SIL1: variants seen among roughly 807,000 people sequenced by gnomAD.
The protein encoded by SIL1 is SIL1 nucleotide exchange factor, also known as nucleotide exchange factor SIL1.
A neutral mutation model predicts 49.1 loss-of-function variants in SIL1; 40 were observed. That is an observed-to-expected ratio of 0.81 (90% CI 0.63 to 1.06). The LOEUF (loss-of-function observed/expected upper bound fraction) is 1.06, where lower values mean the gene tolerates loss of function less well. Among genes scored for constraint, SIL1 ranks in the 50% least tolerant of loss-of-function variants. The pLI is 0.00. For missense variants in SIL1, 500 were observed against 572.6 expected (o/e 0.87, Z 1.29); for synonymous variants, 253 against 250.8 (o/e 1.01, Z -0.08).
chr5:139,062,747 C>A (rs898259407), intron 3 of SIL1, among the ~76,000 whole-genome samples: 1 of 152,202 alleles, frequency 6.6e-6, no homozygotes, highest in Non-Finnish European at 1.5e-5. Flanking sequence ...CAGCACAAGG[C>A]TCAAAGTAAC....
intron 1 of SIL1, among the ~76,000 whole-genome samples, chr5:139,191,619 TAA>T (rs202242246): frequency 7.9e-5 from 11 of 139,990 alleles, no homozygotes; most frequent in Middle Eastern, 3.8e-3. Flanking sequence ...CCTGTCTCTT[TAA>T]AAAAAAAAAA....
chr5:139,197,336 G>C (rs1052957449), intron 1 of SIL1, among the ~76,000 whole-genome samples: 1 of 149,038 alleles, frequency 6.7e-6, no homozygotes, highest in Non-Finnish European at 1.5e-5. Flanking sequence ...AAATATGTAA[G>C]TTTCATTCTC....
intron 1 of SIL1, among the ~76,000 whole-genome samples, chr5:139,151,412 G>C (rs1209559279): frequency 6.6e-6 from 1 of 152,156 alleles, no homozygotes; most frequent in Non-Finnish European, 1.5e-5. Flanking sequence ...CTATCTGTCT[G>C]GAATGCTGTC....
chr5:138,980,378 G>A (rs1767489412), intron 7 of SIL1, among the ~76,000 whole-genome samples: 1 of 152,172 alleles, frequency 6.6e-6, no homozygotes. Context: ...GGTGCTTAAA[G>A]TTGGCTAAGT....
rs1413004892 is a variant in SIL1 at position 138,948,815 on chromosome 5, A to G, written c.1030-1342T>C. ...GAGGAGCTGCCTAGGTCAGGAGGGCAGCGGGTTCCTTACGGGAGAGCGGTT... is the reference window on the plus strand; with the variant it reads ...GAGGAGCTGCCTAGGTCAGGAGGGCGGCGGGTTCCTTACGGGAGAGCGGTT... On this transcript the variant is annotated intron_variant, in intron 9 of 9. Coordinates refer to ENST00000394817, the MANE Select transcript of SIL1 (RefSeq NM_022464.5). This position sits in a 1 kb window ranked among gnomAD's most constrained non-coding sequence, Gnocchi z 4.8. Among the ~76,000 whole-genome samples, 1 of 152,198 alleles carries G rather than the reference A, an allele frequency of 6.6e-6. No individual in the cohort carries two copies. The highest frequency in any genetic ancestry group is 1.9e-4 in the East Asian group (1 of 5,190).
At chr5:139,027,777 T>G (rs1327967793) in intron 5 of SIL1, among the ~76,000 whole-genome samples, 1 of 152,222 alleles carries the variant, frequency 6.6e-6, no homozygotes, top group African/African-American at 2.4e-5. Flanking sequence ...TCACAGTGGC[T>G]TATGTATCTG....
At chr5:139,035,071 T>G (rs564799191) in intron 5 of SIL1, 1 of 200,602 alleles carries the variant, frequency 5.0e-6, no homozygotes, top group East Asian at 1.4e-4. Context: ...TGTCTTCTTT[T>G]GAAAAGTGTC....
intron 1 of SIL1, among the ~76,000 whole-genome samples, chr5:139,165,213 T>C (rs1751592113): frequency 6.6e-6 from 1 of 152,240 alleles, no homozygotes; most frequent in African/African-American, 2.4e-5. Context: ...TATGTTAACC[T>C]AAACATTTCC....
At position 138,946,741 on chromosome 5, in the gene SIL1, T is replaced by C; in HGVS notation, c.*376A>G. The C allele has an allele frequency of 3.6e-6, 1 of 276,744 alleles. No homozygotes were observed. Among genetic ancestry groups the C allele is most frequent in the Non-Finnish European group, 7.0e-6 (1 of 142,232 alleles). 17.1% of individuals were successfully genotyped at this position (276,744 alleles called of 1,614,324 possible). ...AAGCTTTCTACGTGATTTTTCTCCTTTAATGGCACTCCTGACAGATGAGGA... is the reference window on the plus strand; with the variant it reads ...AAGCTTTCTACGTGATTTTTCTCCTCTAATGGCACTCCTGACAGATGAGGA... On this transcript the variant is annotated 3_prime_UTR_variant, in exon 10 of 10. Transcript: ENST00000394817.
At chr5:139,007,942 C>T (rs1344474273) in intron 7 of SIL1, among the ~76,000 whole-genome samples, 18 of 151,744 alleles carry the variant, frequency 1.2e-4, no homozygotes, top group Non-Finnish European at 1.0e-4. Flanking sequence ...TGTGTCTCTG[C>T]CAGGCTTTGG....
chr5:139,085,400 T>C (rs969549587), intron 3 of SIL1, among the ~76,000 whole-genome samples: 3 of 152,152 alleles, frequency 2.0e-5, no homozygotes, highest in South Asian at 4.1e-4. Context: ...AACAGTGGCT[T>C]TGAAAGACTA....
In SIL1 at chr5:139,137,090, C is replaced by T. The variant is rs191026439; in HGVS notation, c.-10-9237G>A. Among the ~76,000 whole-genome samples, 18 of 152,342 alleles carry T rather than the reference C, an allele frequency of 1.2e-4. No individual in the cohort carries two copies. In the East Asian group the frequency reaches 3.1e-3, roughly 26 times the overall value. ...AAATGTAATAATAACTCCGCCATGG[C>T]GGAGACAGAGAAATACCCTAGTGCC... On this transcript the variant is annotated intron_variant, in intron 1 of 9. Transcript: ENST00000394817.
chr5:139,059,044 C>A (rs1561846620), intron 3 of SIL1, among the ~76,000 whole-genome samples: 1 of 151,454 alleles, frequency 6.6e-6, no homozygotes, highest in Admixed American at 6.6e-5. Flanking sequence ...TATACACACA[C>A]AAATGTTAAT....
At chr5:139,129,549 G>C (rs1265347317) in intron 1 of SIL1, among the ~76,000 whole-genome samples, 1 of 152,218 alleles carries the variant, frequency 6.6e-6, no homozygotes, top group Non-Finnish European at 1.5e-5. Flanking sequence ...GCGGGTGCCT[G>C]TAGTCCCAGC....
Position 138,998,852 on chromosome 5 carries a change from CTTTTTTTTTTTTTTT to C in SIL1, c.767+22304_767+22318del, listed in dbSNP as rs35074969. Among the ~76,000 whole-genome samples, 5 of 98,806 alleles carry C rather than the reference CTTTTTTTTTTTTTTT, an allele frequency of 5.1e-5. No homozygotes were observed. The Admixed American group carries it at 5.4e-4, about 11-fold the overall frequency. 64.8% of individuals were successfully genotyped at this position (98,806 alleles called of 152,430 possible). A position where few individuals can be genotyped will look rare whatever the true frequency, so the allele number is the denominator to read the frequency against. On this transcript the variant is annotated intron_variant, in intron 7 of 9. Transcript: ENST00000394817. ...AGTAGGATGCAGAGGATTATCTTTC[CTTTTTTTTTTTTTTT>C]TTTTTTTTGAGACAGTTTTGTTCTT...
rs1425108517 is a variant in SIL1 at position 139,170,121 on chromosome 5, G to T, written c.-11+28148C>A. On this transcript the variant is annotated intron_variant, in intron 1 of 9. Coordinates refer to ENST00000394817, the MANE Select transcript of SIL1 (RefSeq NM_022464.5). ...TAACCGCGAGTGATCCGCCAGCCTC[G>T]GCCTCCCGAGGTGCTGGGATTGCAG... Among the ~76,000 whole-genome samples, 3 of 152,180 alleles carry T rather than the reference G, an allele frequency of 2.0e-5. No homozygotes were observed. The South Asian group carries it at 6.2e-4, about 32-fold the overall frequency.
intron 1 of SIL1, among the ~76,000 whole-genome samples, chr5:139,177,419 T>C (rs1286306840): frequency 1.3e-5 from 2 of 151,532 alleles, no homozygotes; most frequent in Non-Finnish European, 1.5e-5. Context: ...TTTGTATTTT[T>C]AGTAGAGATG....
At chr5:139,089,094 A>T (rs1561857606) in intron 3 of SIL1, among the ~76,000 whole-genome samples, 1 of 152,212 alleles carries the variant, frequency 6.6e-6, no homozygotes, top group East Asian at 1.9e-4. Context: ...GCTCTAGTAT[A>T]TACGGTTGGA....
chr5:139,097,984 T>C (rs1770506897), intron 3 of SIL1, among the ~76,000 whole-genome samples: 2 of 152,204 alleles, frequency 1.3e-5, no homozygotes, highest in Non-Finnish European at 2.9e-5. Flanking sequence ...GTCCATGGAT[T>C]GGAAGAATCA....
Sources: allele counts gnomAD v4.1 joint callset (sites outside exome capture counted in the v4.1 genomes callset), GRCh38; gene constraint gnomAD v4.1.1; non-coding constraint Gnocchi (gnomAD v3.1); transcripts MANE v1.5; gene names NCBI Gene and HGNC (gene_info 2026-07-23, HGNC 2026-07-21).